The following RNLS variants were observed in gnomAD, a reference collection of about 807,000 sequenced individuals.
RNLS encodes the protein renalase, FAD dependent amine oxidase.
Under a neutral mutation model 39.8 loss-of-function variants are expected in RNLS, and 39 were observed. The ratio of observed to expected loss-of-function variants is 0.98; its 90% CI spans 0.76 to 1.28. RNLS has a LOEUF of 1.28. RNLS is among the 50% of genes most tolerant of loss of function. The probability of loss-of-function intolerance (pLI) is 0.00; values close to 1 mark genes in which losing one functional copy is unlikely to be tolerated. For synonymous variants in RNLS, 147 were observed against 150.7 expected, an observed-to-expected ratio of 0.98 and a Z score of 0.18; for missense variants, 410 against 413.3, an observed-to-expected ratio of 0.99 and a Z score of 0.07.
At chr10:88,561,514 A>G (rs574418349) in intron 4 of RNLS, among the ~76,000 whole-genome samples, 2 of 152,312 alleles carry the variant, frequency 1.3e-5, no homozygotes, top group East Asian at 1.9e-4. Context: ...AAGACAAAAA[A>G]CAAAGCTAGA....
the RNLS span, among the ~76,000 whole-genome samples, chr10:88,223,513 G>T: frequency 2.4e-4 from 37 of 152,180 alleles, 1 homozygote; most frequent in Admixed American, 5.9e-4. Context: ...TCTTCATGTT[G>T]CTGCCAAATA....
chr10:88,442,304 C>T (rs1023887284), intron 4 of RNLS, among the ~76,000 whole-genome samples: 1 of 152,132 alleles, frequency 6.6e-6, no homozygotes, highest in Admixed American at 6.5e-5. Flanking sequence ...AAACTTCATT[C>T]ACTTAGAAAG....
the RNLS span, among the ~76,000 whole-genome samples, chr10:88,212,516 T>G: frequency 2.6e-5 from 4 of 152,228 alleles, no homozygotes; most frequent in Non-Finnish European, 5.9e-5. Context: ...GCTCATACTT[T>G]TAATCATTCA....
At chr10:88,204,646 G>A in the RNLS span, among the ~76,000 whole-genome samples, 4 of 152,210 alleles carry the variant, frequency 2.6e-5, no homozygotes, top group Non-Finnish European at 1.5e-5. Context: ...TTACTGAGGT[G>A]GGTATTATTA....
the RNLS span, among the ~76,000 whole-genome samples, chr10:88,221,143 C>T: frequency 0.022 from 3,389 of 152,276 alleles, 121 homozygotes; most frequent in African/African-American, 0.076. Flanking sequence ...TTTGCAGTCC[C>T]ACTTGTCCCT....
chr10:88,547,476 T>A (rs908295240), intron 4 of RNLS, among the ~76,000 whole-genome samples: 2 of 152,206 alleles, frequency 1.3e-5, no homozygotes, highest in Non-Finnish European at 2.9e-5. Flanking sequence ...ATAGACTATA[T>A]CTGGGTTAAA....
intron 4 of RNLS, among the ~76,000 whole-genome samples, chr10:88,498,353 T>C (rs1228083962): frequency 6.6e-6 from 1 of 151,690 alleles, no homozygotes; most frequent in Non-Finnish European, 1.5e-5. Flanking sequence ...ATTAAAACTT[T>C]CTGGTATTCT....
At chr10:88,552,717 C>T (rs985859295) in intron 4 of RNLS, among the ~76,000 whole-genome samples, 2 of 152,090 alleles carry the variant, frequency 1.3e-5, no homozygotes, top group African/African-American at 2.4e-5. Context: ...AGGATACATA[C>T]ACACTATACA....
At chr10:88,196,365 C>T in the RNLS span, among the ~76,000 whole-genome samples, 3 of 152,312 alleles carry the variant, frequency 2.0e-5, no homozygotes, top group South Asian at 6.2e-4. Flanking sequence ...CTATTCTATT[C>T]CCTCTACATT....
At chr10:88,207,962 A>C in the RNLS span, among the ~76,000 whole-genome samples, 1 of 152,110 alleles carries the variant, frequency 6.6e-6, no homozygotes, top group South Asian at 2.1e-4. Flanking sequence ...TCACATATGG[A>C]GGCTCACCCT....
At position 88,542,262 on chromosome 10, in the gene RNLS, G is replaced by A. The variant is rs183772476; in HGVS notation, c.526+30641C>T. Among the ~76,000 whole-genome samples the A allele has an allele frequency of 1.5e-3, 233 of 152,206 alleles. 3 individuals carry two copies. The highest frequency in any genetic ancestry group is 5.8e-4 in the East Asian group (3 of 5,174). On this transcript the variant is annotated intron_variant, in intron 4 of 6. Transcript: ENST00000331772. ...TTCAAGCATGATTACTCCATGCTGC[G>A]TGCACAGGAGTTTTGGTGAAAAAAG...
intron 5 of RNLS, among the ~76,000 whole-genome samples, chr10:88,320,045 A>C (rs1846061849): frequency 6.6e-6 from 1 of 152,124 alleles, no homozygotes; most frequent in African/African-American, 2.4e-5. Context: ...CCTGAAAAAA[A>C]GGGATAAATT....
the RNLS span, among the ~76,000 whole-genome samples, chr10:88,218,051 A>C: frequency 3.3e-5 from 5 of 152,136 alleles, no homozygotes; most frequent in Non-Finnish European, 5.9e-5. Flanking sequence ...AAAAAGAAAA[A>C]CAAGGAAAAA....
chr10:88,452,879 T>C lies in RNLS; in HGVS notation c.527-90154A>G, dbSNP rs1475917820. 2.6e-5 allele frequency among the ~76,000 whole-genome samples: 4 copies of C among 152,306 alleles called. No homozygotes were observed. The South Asian group carries it at 8.3e-4, about 32-fold the overall frequency. ...TCTCTTGGTACTCTCTTGCTCAATT[T>C]TGATGATAAAAATACAAGTTCAGTG... On this transcript the variant is annotated intron_variant, in intron 4 of 6. Coordinates refer to ENST00000331772, the MANE Select transcript of RNLS (RefSeq NM_001031709.3).
chr10:88,368,758 A>T (rs1320661190), intron 4 of RNLS, among the ~76,000 whole-genome samples: 2 of 152,124 alleles, frequency 1.3e-5, no homozygotes, highest in African/African-American at 4.8e-5. Context: ...ACTATTATGC[A>T]CATCTTTGTG....
chr10:88,182,280 T>C, the RNLS span, among the ~76,000 whole-genome samples: 1 of 152,234 alleles, frequency 6.6e-6, no homozygotes, highest in African/African-American at 2.4e-5. Flanking sequence ...GGTGACCGGA[T>C]GTACCTAACC....
chr10:88,522,371 T>C (rs1846807687), intron 4 of RNLS, among the ~76,000 whole-genome samples: 1 of 151,988 alleles, frequency 6.6e-6, no homozygotes, highest in African/African-American at 2.4e-5. Flanking sequence ...AGTTGGCAAA[T>C]AGATGCAATC....
At chr10:88,433,970 T>C (rs1037216030) in intron 4 of RNLS, among the ~76,000 whole-genome samples, 10 of 152,132 alleles carry the variant, frequency 6.6e-5, no homozygotes, top group Admixed American at 6.6e-4. Context: ...AGAAGCTTGG[T>C]GTTATTTGAA....
chr10:88,485,349 G>A (rs1844427386), intron 4 of RNLS, among the ~76,000 whole-genome samples: 1 of 151,820 alleles, frequency 6.6e-6, no homozygotes, highest in African/African-American at 2.4e-5. Flanking sequence ...AGGCAATTCA[G>A]TGGAGAAAGA....
Sources: gnomAD v4.1 joint callset for allele counts (sites outside exome capture counted in the v4.1 genomes callset) on GRCh38, gnomAD v4.1.1 for gene constraint, MANE v1.5 for transcripts, NCBI Gene and HGNC (gene_info 2026-07-23, HGNC 2026-07-21) for gene names.